STAB2: variants seen among roughly 807,000 people sequenced by gnomAD.
STAB2 encodes the protein stabilin-2.
Under a neutral mutation model 338.1 loss-of-function variants are expected in STAB2, and 288 were observed. The ratio of observed to expected loss-of-function variants is 0.85; its 90% CI spans 0.77 to 0.94. The LOEUF (loss-of-function observed/expected upper bound fraction) is 0.94. STAB2 is among the 40% of genes least tolerant of loss of function. The pLI is 0.00. For missense variants in STAB2, 3,141 were observed against 3,210.1 expected, an observed-to-expected ratio of 0.98 and a Z score of 0.52; for synonymous variants, 1,202 against 1,193.3, an observed-to-expected ratio of 1.01 and a Z score of -0.15.
intron 27 of STAB2, among the ~76,000 whole-genome samples, chr12:103,687,098 C>T (rs1387522878): frequency 6.6e-6 from 1 of 152,108 alleles, no homozygotes; most frequent in Non-Finnish European, 1.5e-5. Flanking sequence ...TGTAAATTTG[C>T]ATAGGATCAT....
chr12:103,668,115 A>G (rs1875339283), intron 19 of STAB2, among the ~76,000 whole-genome samples: 1 of 152,242 alleles, frequency 6.6e-6, no homozygotes. Flanking sequence ...GGCCCATAAA[A>G]TGTTCTCAGT....
chr12:103,638,733 C>A (rs1405920741), intron 8 of STAB2, among the ~76,000 whole-genome samples: 1 of 152,214 alleles, frequency 6.6e-6, no homozygotes, highest in East Asian at 1.9e-4. Flanking sequence ...GATAAAAAAT[C>A]TGGTCAGGAG....
Position 103,607,772 on chromosome 12 carries a change from A to C in STAB2, c.332-12696A>C, listed in dbSNP as rs544683263. Among the ~76,000 whole-genome samples the C allele has an allele frequency of 7.3e-4, 111 of 152,232 alleles. 1 individual carries two copies. The highest frequency in any genetic ancestry group is 1.1e-3 in the Non-Finnish European group (73 of 68,004). On this transcript the variant is annotated intron_variant, in intron 3 of 68. Transcript: ENST00000388887. The stretch of plus-strand genomic sequence containing the variant: ...TGGTATATATGTGCCACATTTTCTT[A>C]ATCCAGTCTATCATTGATGGACATT...
rs60942636 is a variant in STAB2 at position 103,623,904 on chromosome 12, G to T, written c.487+1793G>T. Among the ~76,000 whole-genome samples, 727 of 152,284 alleles carry T rather than the reference G, an allele frequency of 4.8e-3. 5 individuals are homozygous for T. Among genetic ancestry groups the T allele is most frequent in the African/African-American group, 0.017 (690 of 41,552 alleles). On this transcript the variant is annotated intron_variant, in intron 5 of 68. Coordinates refer to ENST00000388887, the MANE Select transcript of STAB2 (RefSeq NM_017564.10). ...TAAGAGCTGTGGATCCTGGAAGTTA[G>T]CTGGAATGCTCACAATCGCAGTCAG...
intron 63 of STAB2, chr12:103,757,894 T>C: frequency 2.2e-6 from 1 of 449,636 alleles, no homozygotes. Flanking sequence ...TTGAGAAGAC[T>C]CGAGATTTGA....
At position 103,694,283 on chromosome 12, in the gene STAB2, T is replaced by C. The variant is rs138117750; in HGVS notation, c.3376-1267T>C. ...TGGCCCTCATCACTGCCTATTGTTA[T>C]GTGACATAGACATAGAACCATCAAG... is the stretch of plus-strand genomic sequence containing the variant. On this transcript the variant is annotated intron_variant, in intron 31 of 68. Transcript: ENST00000388887. 3.3e-5 allele frequency among the ~76,000 whole-genome samples: 5 copies of C among 152,308 alleles called. No individual in the cohort carries two copies. In the East Asian group the frequency reaches 9.7e-4, roughly 29 times the overall value.
At chr12:103,646,084 A>G (rs563375461) in intron 9 of STAB2, among the ~76,000 whole-genome samples, 5 of 152,318 alleles carry the variant, frequency 3.3e-5, no homozygotes, top group African/African-American at 1.2e-4. Context: ...GAGGCAGGAG[A>G]ATCACTTGGA....
chr12:103,677,098 A>G (rs922081838), intron 24 of STAB2, among the ~76,000 whole-genome samples: 1 of 152,162 alleles, frequency 6.6e-6, no homozygotes, highest in African/African-American at 2.4e-5. Context: ...GCCCGGGTTC[A>G]TGTCTTTTTA....
chr12:103,608,938 T>C (rs1347387186), intron 3 of STAB2, among the ~76,000 whole-genome samples: 1 of 152,210 alleles, frequency 6.6e-6, no homozygotes, highest in Admixed American at 6.5e-5. Context: ...ATTTATTAAA[T>C]AGGAAATCCT....
At chr12:103,681,081 G>T (rs989335482) in intron 25 of STAB2, among the ~76,000 whole-genome samples, 2 of 152,218 alleles carry the variant, frequency 1.3e-5, no homozygotes, top group Non-Finnish European at 2.9e-5. Flanking sequence ...TGGTCTGGTT[G>T]TTCCACAGCG....
At chr12:103,728,512 C>G (rs901919495) in intron 47 of STAB2, among the ~76,000 whole-genome samples, 2 of 152,206 alleles carry the variant, frequency 1.3e-5, no homozygotes, top group African/African-American at 4.8e-5. Context: ...ATATACTATG[C>G]AGTGTTTCCC....
rs199907100 is a variant in STAB2 at position 103,733,171 on chromosome 12, C to T, written c.5449C>T (p.Arg1817Ter). The T allele has an allele frequency of 2.3e-5, 37 of 1,613,924 alleles. No homozygotes were observed. Among genetic ancestry groups the T allele is most frequent in the African/African-American group, 9.3e-5 (7 of 75,002 alleles). The change falls in exon 51 of 69, where the codon CGA becomes TGA. Residue 1817 changes from arginine (R) to a stop codon, truncating the protein, a stop_gained. Coordinates refer to ENST00000388887, the MANE Select transcript of STAB2 (RefSeq NM_017564.10). LOFTEE classifies it high-confidence loss of function. ...GGAGTATTTGAAGTTTCATGTGATA[C>T]GAGATGCCAAGGTATTTAGTTTACA... is the stretch of plus-strand genomic sequence containing the variant. ...LKEYLKFHVI[R>*]DAKVLAVDLP...
At chr12:103,726,463 C>T (rs780436727) in intron 46 of STAB2, among the ~76,000 whole-genome samples, 21 of 152,178 alleles carry the variant, frequency 1.4e-4, no homozygotes, top group Non-Finnish European at 3.1e-4. Context: ...TGCACTCCAG[C>T]CTAGGTGACA....
chr12:103,717,968 G>A, intron 44 of STAB2, 127 bp downstream of exon 44: 1 of 899,758 alleles, frequency 1.1e-6, no homozygotes, highest in South Asian at 1.5e-5. Flanking sequence ...TGTTGACCAT[G>A]AGGCTTGTTT....
intron 31 of STAB2, among the ~76,000 whole-genome samples, chr12:103,695,229 C>T (rs925438236): frequency 6.6e-6 from 1 of 152,208 alleles, no homozygotes; most frequent in South Asian, 2.1e-4. Flanking sequence ...CTAAGGTCTT[C>T]TCTGACAAGG....
intron 2 of STAB2, among the ~76,000 whole-genome samples, chr12:103,593,551 G>A (rs1956831097): frequency 6.6e-6 from 1 of 152,182 alleles, no homozygotes; most frequent in South Asian, 2.1e-4. Context: ...GTCCCTGCCA[G>A]TATTCTCAAC....
chr12:103,704,532 A>T (rs1325598608), intron 35 of STAB2, 26 bp from the exon 36 acceptor site: 1 of 1,609,170 alleles, frequency 6.2e-7, no homozygotes, highest in Non-Finnish European at 8.5e-7. Flanking sequence ...AGTTAATTAC[A>T]TTGATTGCTT....
chr12:103,763,433 G>C, intron 67 of STAB2, 59 bp from the exon 68 acceptor site: 1 of 1,526,066 alleles, frequency 6.6e-7, no homozygotes, highest in Non-Finnish European at 9.0e-7. Context: ...CTGCCAACTT[G>C]GCTGAGACGC....
At position 103,666,475 on chromosome 12, in the gene STAB2, G is replaced by A. The variant is rs116547375; in HGVS notation, c.2085+122G>A. 3,302 of 979,676 alleles carry A rather than the reference G, an allele frequency of 3.4e-3. 83 individuals carry two copies. The African/African-American group carries it at 0.046, about 14-fold the overall frequency. 60.7% of individuals were successfully genotyped at this position (979,676 alleles called of 1,614,324 possible). The stretch of plus-strand genomic sequence containing the variant: ...TTGCAGCTGGGGTAATATAAGATGG[G>A]CTCGTAGCCTACTATATGGGGGATG... On this transcript the variant is annotated intron_variant, in intron 19 of 68. Coordinates refer to ENST00000388887, the MANE Select transcript of STAB2 (RefSeq NM_017564.10).
Sources: allele counts gnomAD v4.1 joint callset (sites outside exome capture counted in the v4.1 genomes callset), GRCh38; gene constraint gnomAD v4.1.1; transcripts MANE v1.5; gene names NCBI Gene and HGNC (gene_info 2026-07-23, HGNC 2026-07-21).